OTOGL: variants seen among roughly 807,000 people sequenced by gnomAD.
OTOGL encodes the protein otogelin like, also known as otogelin-like protein.
A neutral mutation model predicts 318.5 loss-of-function variants in OTOGL; 285 were observed. The observed-to-expected ratio is 0.89, with a 90% CI of 0.81 to 0.99. OTOGL has a LOEUF of 0.99. Among genes scored for constraint, OTOGL ranks in the 50% least tolerant of loss-of-function variants. The pLI is 0.00. For synonymous variants in OTOGL, 987 were observed against 936.5 expected (o/e 1.05, Z -0.99); for missense variants, 2,899 against 2,845.6 (o/e 1.02, Z -0.43).
chr12:80,108,680 C>T (rs1272033166), intron 1 of OTOGL, among the ~76,000 whole-genome samples: 1 of 149,854 alleles, frequency 6.7e-6, no homozygotes, highest in Non-Finnish European at 1.5e-5. Context: ...CATTTGTTAG[C>T]TGACATTCTT....
rs1890808887 is a variant in OTOGL, at chr12:80,370,472, C to T, written c.6616-98C>T. 4.7e-6 allele frequency: 5 copies of T among 1,061,690 alleles called. No individual in the cohort carries two copies. The Middle Eastern group carries it at 9.6e-4, about 204-fold the overall frequency. 65.8% of individuals were successfully genotyped at this position (1,061,690 alleles called of 1,614,324 possible). A position where few individuals can be genotyped will look rare whatever the true frequency, so the allele number is the denominator to read the frequency against. ...CATTTTGTGTCACAAGAAGCCTTTG[C>T]ATCTTGATTTGACTTTTTATTCAAT... On this transcript the variant is annotated intron_variant, in intron 55 of 58. Coordinates refer to ENST00000547103, the MANE Select transcript of OTOGL (RefSeq NM_001378609.3).
intron 1 of OTOGL, among the ~76,000 whole-genome samples, chr12:80,121,195 A>G (rs901515971): frequency 6.6e-6 from 1 of 152,190 alleles, no homozygotes; most frequent in African/African-American, 2.4e-5. Context: ...ATTGCTGAGA[A>G]TACTTCATAA....
chr12:80,354,992 G>T (rs1889779197), intron 46 of OTOGL, among the ~76,000 whole-genome samples: 1 of 151,870 alleles, frequency 6.6e-6, no homozygotes, highest in African/African-American at 2.4e-5. Flanking sequence ...TGTTATATGA[G>T]GTAGGGACTA....
chr12:80,360,084 A>G (rs1890143868), intron 52 of OTOGL, among the ~76,000 whole-genome samples: 1 of 152,168 alleles, frequency 6.6e-6, no homozygotes, highest in African/African-American at 2.4e-5. Context: ...AACTTGAAAC[A>G]AGAATGAAAG....
intron 25 of OTOGL, among the ~76,000 whole-genome samples, chr12:80,278,497 A>G (rs925741037): frequency 6.6e-6 from 1 of 151,576 alleles, no homozygotes; most frequent in African/African-American, 2.4e-5. Context: ...GTGAAACACA[A>G]CAATCTAAAA....
intron 1 of OTOGL, among the ~76,000 whole-genome samples, chr12:80,132,316 A>G (rs576882664): frequency 6.6e-6 from 1 of 152,332 alleles, no homozygotes; most frequent in South Asian, 2.1e-4. Flanking sequence ...TATTTATCAG[A>G]TGTAGTCTTA....
intron 26 of OTOGL, among the ~76,000 whole-genome samples, chr12:80,280,310 C>G (rs916355709): frequency 4.0e-5 from 2 of 49,800 alleles, no homozygotes; most frequent in Admixed American, 2.8e-4. Flanking sequence ...TTAGGCCCCA[C>G]TTGTCAATTT....
intron 7 of OTOGL, among the ~76,000 whole-genome samples, chr12:80,227,796 C>A (rs1878999322): frequency 6.6e-6 from 1 of 152,086 alleles, no homozygotes; most frequent in Admixed American, 6.6e-5. Context: ...GGCTTTCTCT[C>A]TCTCACGCTC....
intron 1 of OTOGL, among the ~76,000 whole-genome samples, chr12:80,109,577 G>A (rs1403602969): frequency 6.6e-6 from 1 of 152,098 alleles, no homozygotes; most frequent in African/African-American, 2.4e-5. Flanking sequence ...ATTATTTAGG[G>A]GGGACACAGA....
chr12:80,207,145 A>G (rs1420769829), intron 1 of OTOGL, among the ~76,000 whole-genome samples: 1 of 152,196 alleles, frequency 6.6e-6, no homozygotes, highest in African/African-American at 2.4e-5. Context: ...ATTTTATTGA[A>G]CTGTAAAATT....
intron 30 of OTOGL, among the ~76,000 whole-genome samples, chr12:80,312,988 C>A (rs535061620): frequency 2.6e-5 from 4 of 152,036 alleles, no homozygotes; most frequent in African/African-American, 9.7e-5. Context: ...ATTTTGTCAG[C>A]TACTTAAATG....
intron 1 of OTOGL, chr12:80,103,195 T>C (rs1869245155): frequency 1.4e-6 from 2 of 1,400,862 alleles, no homozygotes; most frequent in Non-Finnish European, 2.0e-6. Flanking sequence ...CGGATGGGCA[T>C]GGATCGCTCG....
At chr12:80,207,084 C>CT (rs35804019) in intron 1 of OTOGL, among the ~76,000 whole-genome samples, 48,914 of 151,998 alleles carry the variant, frequency 0.32, 8,068 homozygotes, top group East Asian at 0.41. Flanking sequence ...TGCTTACTAA[C>CT]TTTTTTTACC....
intron 9 of OTOGL, among the ~76,000 whole-genome samples, chr12:80,233,883 G>T (rs527494569): frequency 1.3e-5 from 2 of 152,272 alleles, no homozygotes; most frequent in East Asian, 3.9e-4. Context: ...AGTTTCTTCA[G>T]CTGTAAAATG....
In OTOGL at chr12:80,379,845, C is replaced by G. The variant is rs1474615364; in HGVS notation, c.*1797C>G. 1 of 151,960 alleles carries G rather than the reference C, an allele frequency of 6.6e-6. No homozygotes were observed. The highest frequency in any genetic ancestry group is 6.6e-5 in the Admixed American group (1 of 15,234). 9.4% of individuals were successfully genotyped at this position (151,960 alleles called of 1,614,324 possible). On this transcript the variant is annotated 3_prime_UTR_variant, in exon 59 of 59. Coordinates refer to ENST00000547103, the MANE Select transcript of OTOGL (RefSeq NM_001378609.3). ...ATTTAGGGCCTACATGTGCCAGGCA[C>G]TATTATAAACTCTTGGGACACAGGC...
intron 1 of OTOGL, among the ~76,000 whole-genome samples, chr12:80,200,377 TTTCTC>T (rs1876374110): frequency 6.6e-6 from 1 of 152,196 alleles, no homozygotes. Context: ...ATGTTCCACT[TTTCTC>T]TATGAAGCAA....
intron 42 of OTOGL, 43 bp downstream of exon 42, chr12:80,337,047 A>G: frequency 7.2e-7 from 1 of 1,380,156 alleles, no homozygotes. Context: ...TTAGATGAAA[A>G]TAAATTATAC....
rs781325663 is a variant in OTOGL, at chr12:80,267,319, G to C, written c.2457G>C (p.Ser819=). Residue 819 remains serine, a synonymous_variant, in exon 22 of 59, where the codon TCG becomes TCC. Coordinates refer to ENST00000547103, the MANE Select transcript of OTOGL (RefSeq NM_001378609.3). ...CTGGAGAGCTCATCCCCACACCCTC[G>C]GGCTTATGGTAGGTTTCAATGATGG... ...YQPGELIPTP[S]GLCQCSNGTV... is the part of the protein sequence containing the mutation. The C allele has an allele frequency of 6.6e-7, 1 of 1,516,246 alleles. No individual in the cohort carries two copies. Among genetic ancestry groups the C allele is most frequent in the Non-Finnish European group, 9.0e-7 (1 of 1,108,326 alleles). 93.9% of individuals were successfully genotyped at this position (1,516,246 alleles called of 1,614,324 possible).
At chr12:80,255,273 G>A (rs765354699) in intron 16 of OTOGL, 88 bp downstream of exon 16, 13 of 1,196,904 alleles carry the variant, frequency 1.1e-5, no homozygotes, top group Non-Finnish European at 1.4e-5. Flanking sequence ...TAACATGAGT[G>A]GATATAGCTA....
Sources: gnomAD v4.1 joint callset for allele counts (sites outside exome capture counted in the v4.1 genomes callset) on GRCh38, gnomAD v4.1.1 for gene constraint, MANE v1.5 for transcripts, NCBI Gene and HGNC (gene_info 2026-07-23, HGNC 2026-07-21) for gene names.